OSBPL11: variants seen among roughly 807,000 people sequenced by gnomAD.
OSBPL11 encodes the protein oxysterol-binding protein-related protein 11.
A neutral mutation model predicts 84.4 loss-of-function variants in OSBPL11; 33 were observed. The ratio of observed to expected loss-of-function variants is 0.39; its 90% CI spans 0.30 to 0.52. The LOEUF is 0.52. Among genes scored for constraint, OSBPL11 ranks in the 20% least tolerant of loss-of-function variants. OSBPL11 has a pLI of 0.72. For missense variants in OSBPL11, 736 were observed against 901.1 expected, an observed-to-expected ratio of 0.82 and a Z score of 2.35; for synonymous variants, 276 against 310.2, an observed-to-expected ratio of 0.89 and a Z score of 1.16.
chr3:125,561,555 T>C (rs1322495116), intron 7 of OSBPL11, among the ~76,000 whole-genome samples: 2 of 152,264 alleles, frequency 1.3e-5, no homozygotes, highest in African/African-American at 4.8e-5. Context: ...TTTGCCTTCA[T>C]GTCTACTTCC....
Position 125,529,600 on chromosome 3 carries a change from A to G in OSBPL11, c.*915T>C, listed in dbSNP as rs907794551. 3.9e-5 allele frequency: 6 copies of G among 152,772 alleles called. No individual in the cohort carries two copies. Among genetic ancestry groups the G allele is most frequent in the African/African-American group, 1.4e-4 (6 of 41,590 alleles). The allele number at this position is 152,772 out of a possible 1,614,324, so 9.5% of individuals were successfully genotyped here. On this transcript the variant is annotated 3_prime_UTR_variant, in exon 13 of 13. Coordinates refer to ENST00000296220, the MANE Select transcript of OSBPL11 (RefSeq NM_022776.5). ...TACTTATCCAAAGGGATAACACATA[A>G]TACTGGATATTAACCTAAAGGTGAA...
chr3:125,583,798 G>A (rs1025195334), intron 1 of OSBPL11, among the ~76,000 whole-genome samples: 1 of 152,100 alleles, frequency 6.6e-6, no homozygotes, highest in Admixed American at 6.5e-5. Context: ...GAATTCTTCT[G>A]TAGAAATACA....
At chr3:125,568,913 A>G (rs770583935) in intron 5 of OSBPL11, among the ~76,000 whole-genome samples, 22 of 151,294 alleles carry the variant, frequency 1.5e-4, no homozygotes, top group Non-Finnish European at 2.7e-4. Flanking sequence ...TAGTGGACAG[A>G]CTCTTTTAGC....
At chr3:125,585,545 A>AAC (rs3032676) in intron 1 of OSBPL11, among the ~76,000 whole-genome samples, 83,785 of 151,008 alleles carry the variant, frequency 0.55, 25,005 homozygotes, top group African/African-American at 0.79. Context: ...TGAAAAAAAA[A>AAC]AAAACAAAAC....
At chr3:125,593,775 G>A (rs1021111441) in intron 1 of OSBPL11, among the ~76,000 whole-genome samples, 1 of 151,904 alleles carries the variant, frequency 6.6e-6, no homozygotes, top group African/African-American at 2.4e-5. Flanking sequence ...AATTTCACAA[G>A]CACAAATAAG....
intron 1 of OSBPL11, among the ~76,000 whole-genome samples, chr3:125,587,151 G>C (rs1014810059): frequency 6.6e-6 from 1 of 152,154 alleles, no homozygotes; most frequent in African/African-American, 2.4e-5. Context: ...CAAATACAGA[G>C]GATTCAGTAG....
At chr3:125,557,233 C>T (rs1936004684) in intron 8 of OSBPL11, among the ~76,000 whole-genome samples, 1 of 152,080 alleles carries the variant, frequency 6.6e-6, no homozygotes, top group Admixed American at 6.6e-5. Flanking sequence ...AAGGCTAGGA[C>T]CATGGTTATC....
intron 1 of OSBPL11, among the ~76,000 whole-genome samples, chr3:125,583,279 A>G (rs543729159): frequency 3.3e-5 from 5 of 152,130 alleles, no homozygotes; most frequent in African/African-American, 9.6e-5. Context: ...CAAATATACT[A>G]TAAGTATTAT....
chr3:125,582,283 C>T lies in OSBPL11; in HGVS notation c.233+627G>A, dbSNP rs149749902. Among the ~76,000 whole-genome samples, 45 of 151,176 alleles carry T rather than the reference C, an allele frequency of 3.0e-4. 1 individual carries two copies. Among genetic ancestry groups the T allele is most frequent in the East Asian group, 2.7e-3 (14 of 5,106 alleles). ...CCCGGAGGCAGAGGTTACAGTGAGC[C>T]GAGATCATGCCATTGCACTCCAGCT... On this transcript the variant is annotated intron_variant, in intron 2 of 12. Transcript: ENST00000296220.
rs117595132 is a variant in OSBPL11, at chr3:125,559,763, A to G, written c.1155+616T>C. Among the ~76,000 whole-genome samples the G allele has an allele frequency of 2.5e-3, 381 of 152,106 alleles. 8 individuals carry two copies. The East Asian group carries it at 0.038, about 15-fold the overall frequency. On this transcript the variant is annotated intron_variant, in intron 8 of 12. Coordinates refer to ENST00000296220, the MANE Select transcript of OSBPL11 (RefSeq NM_022776.5). ...CGTTGGTCTTGAACTTCTGACCTCA[A>G]TTGATCCACCTGTCTCAGCCTCCTG...
At chr3:125,584,442 T>G (rs1328829863) in intron 1 of OSBPL11, among the ~76,000 whole-genome samples, 1 of 152,184 alleles carries the variant, frequency 6.6e-6, no homozygotes, top group Non-Finnish European at 1.5e-5. Context: ...ATCTGAATAT[T>G]TGCTTACATT....
intron 4 of OSBPL11, 95 bp downstream of exon 4, chr3:125,578,865 C>T (rs1023857891): frequency 4.8e-5 from 31 of 643,184 alleles, no homozygotes; most frequent in African/African-American, 5.8e-5. Flanking sequence ...GTGAATTTTA[C>T]GGTATATGAA....
intron 5 of OSBPL11, among the ~76,000 whole-genome samples, chr3:125,572,483 T>C (rs1213277555): frequency 6.6e-6 from 1 of 152,140 alleles, no homozygotes; most frequent in Non-Finnish European, 1.5e-5. Flanking sequence ...CCAAATCTCA[T>C]CTTGAATTCC....
chr3:125,546,262 C>T lies in OSBPL11; in HGVS notation c.1841+1144G>A, dbSNP rs146865137. On this transcript the variant is annotated intron_variant, in intron 10 of 12. Transcript: ENST00000296220. ...AATCACGGCTCATTGCAACCTCTGC[C>T]TCCCAGGTTCAAGCAATTCTCCTGC... Among the ~76,000 whole-genome samples the T allele has an allele frequency of 1.7e-3, 260 of 151,408 alleles. 1 individual carries two copies. The highest frequency in any genetic ancestry group is 0.014 in the Middle Eastern group (4 of 294).
intron 7 of OSBPL11, 55 bp from the exon 8 acceptor site, chr3:125,560,574 T>A: frequency 7.2e-7 from 1 of 1,388,626 alleles, no homozygotes; most frequent in Non-Finnish European, 9.5e-7. Flanking sequence ...TCATATCCAT[T>A]GAGAACAAAA....
chr3:125,573,016 T>C (rs12490990), intron 5 of OSBPL11, among the ~76,000 whole-genome samples: 9,960 of 148,736 alleles, frequency 0.067, 463 homozygotes, highest in Non-Finnish European at 0.098. Context: ...ATATAGTGTG[T>C]GTGTGTGTGT....
chr3:125,583,461 G>C (rs889012717), intron 1 of OSBPL11, among the ~76,000 whole-genome samples: 5 of 151,032 alleles, frequency 3.3e-5, no homozygotes, highest in African/African-American at 4.9e-5. Context: ...TGTGCCTGTA[G>C]TCCCAGCTAC....
At chr3:125,539,719 G>A in intron 10 of OSBPL11, among the ~76,000 whole-genome samples, 1 of 152,100 alleles carries the variant, frequency 6.6e-6, no homozygotes, top group Admixed American at 6.6e-5. Flanking sequence ...AAAGTGCTGG[G>A]ATTACAGGCG....
chr3:125,579,832 A>C, intron 3 of OSBPL11, 33 bp downstream of exon 3: 1 of 1,599,604 alleles, frequency 6.3e-7, no homozygotes, highest in African/African-American at 1.3e-5. Context: ...AAAGAGGAAA[A>C]TCACAGTATT....
Sources: allele counts gnomAD v4.1 joint callset (sites outside exome capture counted in the v4.1 genomes callset), GRCh38; gene constraint gnomAD v4.1.1; transcripts MANE v1.5; gene names NCBI Gene and HGNC (gene_info 2026-07-23, HGNC 2026-07-21).